ANXA6: variants seen among roughly 807,000 people sequenced by gnomAD.
ANXA6 encodes the protein 67 kDa calelectrin.
Under a neutral mutation model 95.4 loss-of-function variants are expected in ANXA6, and 71 were observed. The observed-to-expected ratio is 0.74, with a 90% CI of 0.61 to 0.91. The LOEUF (loss-of-function observed/expected upper bound fraction) is 0.91. Among genes scored for constraint, ANXA6 ranks in the 40% least tolerant of loss-of-function variants. ANXA6 has a pLI of 0.00. For missense variants in ANXA6, 830 were observed against 876.4 expected (o/e 0.95, Z 0.67); for synonymous variants, 289 against 315.9 (o/e 0.91, Z 0.90).
intron 2 of ANXA6, among the ~76,000 whole-genome samples, chr5:151,144,115 C>T (rs1229320203): frequency 6.6e-6 from 1 of 152,282 alleles, no homozygotes; most frequent in Non-Finnish European, 1.5e-5. Flanking sequence ...GTAAGGGCAG[C>T]TCTAGCCCTG....
chr5:151,112,716 TG>T lies in ANXA6; in HGVS notation c.1573-2073del, dbSNP rs202230747. Reference sequence around the variant, plus strand: ...GCGCACGCCGTTATTCCCAGCTACTTGGGGGGCTGAGGTGGGAGGATTGCTT... The same window carrying T: ...GCGCACGCCGTTATTCCCAGCTACTTGGGGGCTGAGGTGGGAGGATTGCTT... On this transcript the variant is annotated intron_variant, in intron 20 of 25. Transcript: ENST00000354546. 7.7e-3 allele frequency among the ~76,000 whole-genome samples: 1,173 copies of T among 152,150 alleles called. 20 individuals are homozygous for T. Among genetic ancestry groups the T allele is most frequent in the Non-Finnish European group, 9.6e-3 (652 of 67,988 alleles).
chr5:151,154,320 T>C (rs1335283612), intron 1 of ANXA6, among the ~76,000 whole-genome samples: 1 of 107,092 alleles, frequency 9.3e-6, no homozygotes, highest in East Asian at 2.6e-4. Flanking sequence ...TATATATATA[T>C]ATATATATAT....
chr5:151,140,071 C>T (rs544778948), intron 3 of ANXA6, 82 bp downstream of exon 3: 6 of 1,266,336 alleles, frequency 4.7e-6, no homozygotes, highest in Non-Finnish European at 5.6e-6. Flanking sequence ...TTCACAGACC[C>T]TACCACCACC....
Position 151,124,171 on chromosome 5 carries a change from C to T in ANXA6, c.1138+115G>A, listed in dbSNP as rs891946444. 9.2e-6 allele frequency: 8 copies of T among 870,596 alleles called. No homozygotes were observed. In the African/African-American group the frequency reaches 1.0e-4, roughly 11 times the overall value. The allele number at this position is 870,596 out of a possible 1,614,324, so 53.9% of individuals were successfully genotyped here. On this transcript the variant is annotated intron_variant, in intron 15 of 25. Transcript: ENST00000354546. ...GGGTGGAAACTTGAGATCAAGCCTT[C>T]CTCATCCTGCAGACTCTAATTTGAA... is the stretch of plus-strand genomic sequence containing the variant.
rs1374587799 is a variant in ANXA6, at chr5:151,140,146, C to T, written c.109+7G>A. On this transcript the variant is annotated splice_region_variant and intron_variant, in intron 3 of 25. Coordinates refer to ENST00000354546, the MANE Select transcript of ANXA6 (RefSeq NM_001155.5). ...CCCCTCAAGCTCCCATGAAGCCTGGCACCCACCAAAGCCCTTCATGGCAGT... is the reference window on the plus strand; with the variant it reads ...CCCCTCAAGCTCCCATGAAGCCTGGTACCCACCAAAGCCCTTCATGGCAGT... 3.7e-6 allele frequency: 6 copies of T among 1,613,702 alleles called. No individual in the cohort carries two copies. The East Asian group carries it at 6.7e-5, about 18-fold the overall frequency.
intron 3 of ANXA6, among the ~76,000 whole-genome samples, chr5:151,139,719 C>A (rs2113945434): frequency 6.6e-6 from 1 of 152,320 alleles, no homozygotes; most frequent in East Asian, 1.9e-4. Flanking sequence ...CAGAGAGGGG[C>A]AAGAACTTGT....
intron 17 of ANXA6, among the ~76,000 whole-genome samples, chr5:151,119,825 G>A (rs1361413755): frequency 6.6e-6 from 1 of 152,164 alleles, no homozygotes; most frequent in Non-Finnish European, 1.5e-5. Flanking sequence ...AGTCTCCACA[G>A]TGAACATGTA....
intron 1 of ANXA6, among the ~76,000 whole-genome samples, chr5:151,150,040 G>T (rs1332139190): frequency 6.6e-6 from 1 of 151,788 alleles, no homozygotes; most frequent in Non-Finnish European, 1.5e-5. Context: ...AATCGCTTGA[G>T]CTGGGAGGCA....
chr5:151,117,121 T>A lies in ANXA6; in HGVS notation c.1572+6A>T. ...AGAGGTGACTGGGGTGGGCTGGGGG[T>A]CTTACCTGGGCATCTTCCCGTGCCT... On this transcript the variant is annotated splice_donor_region_variant and intron_variant, in intron 20 of 25. Transcript: ENST00000354546. 2 of 1,582,566 alleles carry A rather than the reference T, an allele frequency of 1.3e-6. No individual in the cohort carries two copies. The highest frequency in any genetic ancestry group is 1.7e-6 in the Non-Finnish European group (2 of 1,161,064).
intron 1 of ANXA6, among the ~76,000 whole-genome samples, chr5:151,156,609 C>T (rs934279286): frequency 1.3e-5 from 2 of 152,058 alleles, no homozygotes; most frequent in Admixed American, 6.5e-5. Flanking sequence ...TTCACAAACC[C>T]GGGAGCCATA....
intron 20 of ANXA6, among the ~76,000 whole-genome samples, chr5:151,115,928 A>T (rs1372252071): frequency 6.6e-6 from 1 of 152,272 alleles, no homozygotes; most frequent in Non-Finnish European, 1.5e-5. Flanking sequence ...AGACTCTGGC[A>T]TCAGGCAAGC....
In ANXA6 at chr5:151,138,668, C is replaced by A; in HGVS notation, c.318+10G>T. On this transcript the variant is annotated intron_variant, in intron 5 of 25. Transcript: ENST00000354546. ...CCCACCCCAACACCACATACACCCC[C>A]ACTTCTTACCGAGATGGCATCTTTA... The A allele has an allele frequency of 1.3e-6, 2 of 1,598,666 alleles. No individual in the cohort carries two copies. The highest frequency in any genetic ancestry group is 2.2e-5 in the South Asian group (2 of 90,496).
chr5:151,105,187 TTGTGTG>T, intron 24 of ANXA6, 52 bp downstream of exon 24: 2 of 1,475,254 alleles, frequency 1.4e-6, no homozygotes, highest in Non-Finnish European at 1.9e-6. Flanking sequence ...ATCTGTGTGT[TTGTGTG>T]TGTATGTAAG....
intron 23 of ANXA6, 128 bp downstream of exon 23, chr5:151,108,327 C>T: frequency 1.2e-6 from 1 of 846,848 alleles, no homozygotes; most frequent in Non-Finnish European, 2.0e-6. Flanking sequence ...GGCAGCACCC[C>T]TGGAGGCGAA....
chr5:151,106,172 T>C (rs969892357), intron 23 of ANXA6, among the ~76,000 whole-genome samples: 1 of 152,250 alleles, frequency 6.6e-6, no homozygotes, highest in Non-Finnish European at 1.5e-5. Context: ...TGGCTGCAGA[T>C]AATGCCTGCC....
intron 17 of ANXA6, among the ~76,000 whole-genome samples, chr5:151,121,580 C>T (rs933417182): frequency 6.6e-6 from 1 of 152,120 alleles, no homozygotes; most frequent in Non-Finnish European, 1.5e-5. Flanking sequence ...TTTCCATTTC[C>T]CAGATGAAGG....
intron 17 of ANXA6, among the ~76,000 whole-genome samples, chr5:151,120,423 A>G (rs955669362): frequency 1.3e-5 from 2 of 151,650 alleles, no homozygotes; most frequent in Admixed American, 1.3e-4. Flanking sequence ...CTACAAAAAA[A>G]AAAAAAAAAA....
rs772381669 is a variant in ANXA6, at chr5:151,117,853, G to C, written c.1439-16C>G. 5.6e-6 allele frequency: 9 copies of C among 1,609,080 alleles called. No individual in the cohort carries two copies. In the African/African-American group the frequency reaches 8.0e-5, roughly 14 times the overall value. On this transcript the variant is annotated splice_polypyrimidine_tract_variant and intron_variant, in intron 18 of 25. Transcript: ENST00000354546. ...TTGTGATAGTCTGAGGCAGAGAAAG[G>C]GGGTGTGGGTAGCTGCTGGCCAAGA...
intron 8 of ANXA6, among the ~76,000 whole-genome samples, chr5:151,134,093 CA>C (rs1232249935): frequency 1.3e-5 from 2 of 152,124 alleles, no homozygotes; most frequent in Non-Finnish European, 2.9e-5. Context: ...CTCCCGGTAC[CA>C]CTTGATTTTG....
Sources: gnomAD v4.1 joint callset for allele counts (sites outside exome capture counted in the v4.1 genomes callset) on GRCh38, gnomAD v4.1.1 for gene constraint, MANE v1.5 for transcripts, NCBI Gene and HGNC (gene_info 2026-07-23, HGNC 2026-07-21) for gene names.